GPAT3: variants seen among roughly 807,000 people sequenced by gnomAD.
The protein encoded by GPAT3 is glycerol-3-phosphate acyltransferase 3, also known as 1-AGP acyltransferase 9.
Under a neutral mutation model 58.8 loss-of-function variants are expected in GPAT3, and 53 were observed. The ratio of observed to expected loss-of-function variants is 0.90; its 90% CI spans 0.72 to 1.13. GPAT3 has a LOEUF of 1.13. Among genes scored for constraint, GPAT3 ranks in the 50% most tolerant of loss-of-function variants. GPAT3 has a pLI of 0.00. For synonymous variants in GPAT3, 197 were observed against 187.4 expected, an observed-to-expected ratio of 1.05 and a Z score of -0.42; for missense variants, 511 against 527.6, an observed-to-expected ratio of 0.97 and a Z score of 0.31.
At chr4:83,571,946 G>T (rs1293997308) in intron 2 of GPAT3, among the ~76,000 whole-genome samples, 1 of 151,784 alleles carries the variant, frequency 6.6e-6, no homozygotes, top group Non-Finnish European at 1.5e-5. Flanking sequence ...TAATTTTTGT[G>T]TTTTTTGTAG....
chr4:83,560,311 T>G (rs1725084750), intron 2 of GPAT3, among the ~76,000 whole-genome samples: 1 of 152,208 alleles, frequency 6.6e-6, no homozygotes, highest in South Asian at 2.1e-4. Flanking sequence ...CTTCACCAGT[T>G]TGATCCTCAG....
At chr4:83,577,208 A>C (rs1363681924) in intron 2 of GPAT3, among the ~76,000 whole-genome samples, 1 of 152,238 alleles carries the variant, frequency 6.6e-6, no homozygotes, top group Non-Finnish European at 1.5e-5. Flanking sequence ...GTATCTTGAA[A>C]GACAAAGGAA....
At position 83,590,246 on chromosome 4, in the gene GPAT3, C is replaced by T. The variant is rs553068392; in HGVS notation, c.692C>T (p.Ser231Phe). The change falls in exon 6 of 12, where the codon TCC (serine) becomes TTC (phenylalanine). Residue 231 changes from serine (S) to phenylalanine (F), a missense_variant. Transcript: ENST00000264409. The stretch of plus-strand genomic sequence containing the variant: ...GGCATTTGTGTTGCCAACCATACTT[C>T]CCCCATTGATGTTTTAATCTTGACA... ...KGGICVANHT[S>F]PIDVLILTTD... 3 of 1,613,888 alleles carry T rather than the reference C, an allele frequency of 1.9e-6. No homozygotes were observed. Among genetic ancestry groups the T allele is most frequent in the South Asian group, 2.2e-5 (2 of 91,086 alleles).
chr4:83,579,077 TCTTC>T (rs1172951870), intron 2 of GPAT3, among the ~76,000 whole-genome samples: 1,055 of 26,856 alleles, frequency 0.039, 257 homozygotes, highest in East Asian at 0.14. Context: ...TTTCTTTCTT[TCTTC>T]CCTTCCTTCC....
At chr4:83,579,045 T>A (rs796973493) in intron 2 of GPAT3, among the ~76,000 whole-genome samples, 1 of 40,670 alleles carries the variant, frequency 2.5e-5, no homozygotes, top group Admixed American at 2.6e-4. Context: ...TTTCTTTCTT[T>A]CTTTCTTTCT....
In GPAT3 at chr4:83,598,047, T is replaced by A; in HGVS notation, c.997-4T>A. ...TAACTGAGATGTATTTTCTTTTTTC[T>A]CAGTATAACCCTCAGTTCGGTGATG... is the stretch of plus-strand genomic sequence containing the variant. On this transcript the variant is annotated splice_polypyrimidine_tract_variant and splice_region_variant and intron_variant, in intron 9 of 11. Transcript: ENST00000264409. The A allele has an allele frequency of 6.2e-7, 1 of 1,613,258 alleles. No homozygotes were observed. The highest frequency in any genetic ancestry group is 8.5e-7 in the Non-Finnish European group (1 of 1,179,712).
chr4:83,567,673 C>T (rs986616935), intron 2 of GPAT3, among the ~76,000 whole-genome samples: 3 of 152,098 alleles, frequency 2.0e-5, no homozygotes, highest in Non-Finnish European at 4.4e-5. Context: ...TGGCTTATGC[C>T]TGTAATCCTA....
At chr4:83,579,134 TCTCC>T (rs1388653723) in intron 2 of GPAT3, among the ~76,000 whole-genome samples, 2 of 108,452 alleles carry the variant, frequency 1.8e-5, no homozygotes, top group Non-Finnish European at 1.9e-5. Context: ...TTCCTTTCTT[TCTCC>T]CTCCCTCCCT....
chr4:83,555,125 T>G (rs557499197), intron 2 of GPAT3, among the ~76,000 whole-genome samples: 5 of 152,308 alleles, frequency 3.3e-5, no homozygotes, highest in Admixed American at 2.6e-4. Flanking sequence ...GAGTTGGCTT[T>G]GTCACTGTGA....
intron 7 of GPAT3, among the ~76,000 whole-genome samples, 182 bp from the exon 8 acceptor site, chr4:83,596,676 G>A (rs577307297): frequency 6.6e-6 from 1 of 152,078 alleles, no homozygotes; most frequent in South Asian, 2.1e-4. Flanking sequence ...AAATTATAAT[G>A]GTGCAGATCT....
intron 2 of GPAT3, among the ~76,000 whole-genome samples, chr4:83,579,157 TTC>T (rs1186203584): frequency 2.6e-4 from 34 of 132,356 alleles, no homozygotes; most frequent in Middle Eastern, 3.7e-3. Context: ...CTCTCTCTCT[TTC>T]TCTCTTTCTC....
intron 11 of GPAT3, among the ~76,000 whole-genome samples, chr4:83,600,503 A>AATTATT (rs10677753): frequency 1.3e-4 from 20 of 150,318 alleles, no homozygotes; most frequent in East Asian, 3.9e-4. Context: ...TGGGGGATTG[A>AATTATT]ATTATTATTA....
intron 2 of GPAT3, among the ~76,000 whole-genome samples, chr4:83,571,740 G>A (rs114547059): frequency 0.19 from 27,600 of 146,796 alleles, 3,157 homozygotes; most frequent in East Asian, 0.32. Flanking sequence ...ATATATACAC[G>A]CATATATATA....
intron 2 of GPAT3, among the ~76,000 whole-genome samples, chr4:83,554,457 A>G (rs1159785307): frequency 6.6e-6 from 1 of 152,020 alleles, no homozygotes; most frequent in Non-Finnish European, 1.5e-5. Flanking sequence ...CAAAACTCCA[A>G]AGCTTCTTTA....
intron 2 of GPAT3, among the ~76,000 whole-genome samples, chr4:83,566,421 T>A (rs555093677): frequency 3.5e-5 from 5 of 144,208 alleles, no homozygotes; most frequent in Non-Finnish European, 4.5e-5. Flanking sequence ...TTAATTAATT[T>A]ATTATTATTA....
chr4:83,550,850 T>C (rs891907956), intron 2 of GPAT3, among the ~76,000 whole-genome samples: 10 of 152,222 alleles, frequency 6.6e-5, no homozygotes, highest in African/African-American at 2.4e-4. Flanking sequence ...GGAACAAAAA[T>C]TACTTAATAG....
At chr4:83,594,816 G>A (rs775007592) in intron 6 of GPAT3, 29 bp from the exon 7 acceptor site, 26 of 1,597,736 alleles carry the variant, frequency 1.6e-5, no homozygotes, top group Admixed American at 3.4e-5. Flanking sequence ...TGCCTTTTAC[G>A]TTTTTTCCTT....
At chr4:83,544,625 A>T in intron 2 of GPAT3, 23 bp downstream of exon 2, 1 of 1,610,708 alleles carries the variant, frequency 6.2e-7, no homozygotes, top group Admixed American at 1.7e-5. Context: ...TTTCATTATG[A>T]TTGTTACCAT....
intron 2 of GPAT3, among the ~76,000 whole-genome samples, chr4:83,568,058 G>T (rs1022604135): frequency 1.7e-4 from 26 of 151,242 alleles, no homozygotes; most frequent in Admixed American, 1.6e-3. Context: ...TTTTTATTTT[G>T]TATTATATGT....
Sources: allele counts gnomAD v4.1 joint callset (sites outside exome capture counted in the v4.1 genomes callset), GRCh38; gene constraint gnomAD v4.1.1; transcripts MANE v1.5; gene names NCBI Gene and HGNC (gene_info 2026-07-23, HGNC 2026-07-21).